The following NUMA1 variants were observed in gnomAD, a reference collection of about 807,000 sequenced individuals.
NUMA1 encodes nuclear mitotic apparatus protein 1.
A neutral mutation model predicts 237.1 loss-of-function variants in NUMA1; 62 were observed. That is an observed-to-expected ratio of 0.26 (90% CI 0.21 to 0.32). The LOEUF (loss-of-function observed/expected upper bound fraction) is 0.32, where lower values mean the gene tolerates loss of function less well. NUMA1 is among the 10% of genes least tolerant of loss of function. The probability of loss-of-function intolerance (pLI) is 1.00; values close to 1 mark genes in which losing one functional copy is unlikely to be tolerated. For synonymous variants in NUMA1, 1,028 were observed against 1,066.1 expected (o/e 0.96, Z 0.70); for missense variants, 2,533 against 2,666.5 (o/e 0.95, Z 1.10).
chr11:72,014,824 G>A lies in NUMA1; in HGVS notation c.2679C>T (p.Val893=), dbSNP rs1956407861. The change falls in exon 15 of 27, where the codon GTC becomes GTT. Residue 893 remains valine (V), a synonymous_variant. Transcript: ENST00000393695. This position sits in a 1 kb window ranked among gnomAD's most constrained non-coding sequence, Gnocchi z 4.6. Reference sequence around the variant, plus strand: ...GGTCATCTGCAAGCTTCTGGGCCCTGACTTCCTTCTCTTGGACCTGCTGGA... The same window carrying A: ...GGTCATCTGCAAGCTTCTGGGCCCTAACTTCCTTCTCTTGGACCTGCTGGA... ...RALQQVQEKE[V]RAQKLADDLS... The A allele has an allele frequency of 1.2e-6, 2 of 1,614,196 alleles. No individual in the cohort carries two copies. The highest frequency in any genetic ancestry group is 1.7e-6 in the Non-Finnish European group (2 of 1,180,036).
chr11:72,077,371 GA>G (rs921752013), intron 1 of NUMA1, among the ~76,000 whole-genome samples: 41 of 152,072 alleles, frequency 2.7e-4, no homozygotes, highest in African/African-American at 9.2e-4. Context: ...CAAACAGAAA[GA>G]AAGACAGGTT....
In NUMA1 at chr11:72,009,176, C is replaced by A; in HGVS notation, c.4849G>T (p.Ala1617Ser). ...TTCTTGGCATCATAATGTGTTTTGG[C>A]TTTCTCCATCTGTGGGCAGAGAGGG... ...AEHYKLQMEK[A>S]KTHYDAKKQQ... The change falls in exon 19 of 27, where the codon GCC becomes TCC. Residue 1617 changes from alanine to serine, a missense_variant. Physicochemically the swap from Ala to Ser is moderately conservative, Grantham distance 99. Transcript: ENST00000393695. 3 of 1,305,890 alleles carry A rather than the reference C, an allele frequency of 2.3e-6. No individual in the cohort carries two copies. Among genetic ancestry groups the A allele is most frequent in the Non-Finnish European group, 3.0e-6 (3 of 991,170 alleles). The allele number at this position is 1,305,890 out of a possible 1,614,324, so 80.9% of individuals were successfully genotyped here. A position where few individuals can be genotyped will look rare whatever the true frequency, so the allele number is the denominator to read the frequency against.
intron 7 of NUMA1, among the ~76,000 whole-genome samples, chr11:72,021,716 T>C (rs1309636798): frequency 1.3e-5 from 2 of 152,160 alleles, no homozygotes; most frequent in East Asian, 1.9e-4. Flanking sequence ...CAACTCCTCC[T>C]CCTCAGCTCC....
At chr11:72,065,734 A>T (rs919780613) in intron 2 of NUMA1, 1 of 152,212 alleles carries the variant, frequency 6.6e-6, no homozygotes, top group Non-Finnish European at 1.5e-5. Flanking sequence ...GTGAAATTTT[A>T]TCCACAAAGG....
At chr11:72,063,291 G>A (rs1022263131) in intron 2 of NUMA1, among the ~76,000 whole-genome samples, 1 of 152,148 alleles carries the variant, frequency 6.6e-6, no homozygotes, top group Non-Finnish European at 1.5e-5. Context: ...GCTGATGTGA[G>A]AGGATCACTT....
rs1383029135 is a variant in NUMA1, at chr11:72,064,408, G to A, written c.-33+5434C>T. ...GCCCAGGAGGTCAAGGCTGCAGTGA[G>A]CTAGGATTGCAACTGTACCACTGCA... is the stretch of plus-strand genomic sequence containing the variant. On this transcript the variant is annotated intron_variant, in intron 2 of 26. Coordinates refer to ENST00000393695, the MANE Select transcript of NUMA1 (RefSeq NM_006185.4). Among the ~76,000 whole-genome samples, 3 of 152,082 alleles carry A rather than the reference G, an allele frequency of 2.0e-5. No homozygotes were observed. In the East Asian group the frequency reaches 5.8e-4, roughly 29 times the overall value.
chr11:72,015,175 C>T lies in NUMA1; in HGVS notation c.2328G>A (p.Glu776=). The T allele has an allele frequency of 6.2e-7, 1 of 1,613,484 alleles. No individual in the cohort carries two copies. Among genetic ancestry groups the T allele is most frequent in the Non-Finnish European group, 8.5e-7 (1 of 1,180,048 alleles). ...GLEARLQQLG[E]AHQAETEVLR... ...GGACTTCAGTCTCAGCCTGATGGGCCTCCCCAAGCTGCTGTAATCGAGCCT... is the reference window on the plus strand; with the variant it reads ...GGACTTCAGTCTCAGCCTGATGGGCTTCCCCAAGCTGCTGTAATCGAGCCT... The change falls in exon 15 of 27, where the codon GAG becomes GAA. Residue 776 remains glutamate, a synonymous_variant. Coordinates refer to ENST00000393695, the MANE Select transcript of NUMA1 (RefSeq NM_006185.4). The surrounding 1 kb of genome is among the most constrained non-coding windows in gnomAD (Gnocchi z 4.0).
intron 2 of NUMA1, among the ~76,000 whole-genome samples, chr11:72,039,155 C>A (rs768524834): frequency 3.3e-5 from 5 of 152,240 alleles, no homozygotes; most frequent in Non-Finnish European, 5.9e-5. Flanking sequence ...TGTACCCTCT[C>A]TGGACCTTAA....
At chr11:72,006,854 C>T (rs1302128977) in intron 21 of NUMA1, among the ~76,000 whole-genome samples, 2 of 152,194 alleles carry the variant, frequency 1.3e-5, no homozygotes, top group Non-Finnish European at 2.9e-5. Context: ...CACTGGGCAG[C>T]AACAATGCCT....
chr11:72,018,586 A>G (rs180981971), intron 10 of NUMA1, 73 bp from the exon 11 acceptor site: 3 of 1,296,568 alleles, frequency 2.3e-6, no homozygotes, highest in East Asian at 4.6e-5. Context: ...GCACAGAACT[A>G]TGTGCACAAG....
intron 20 of NUMA1, 121 bp from the exon 21 acceptor site, chr11:72,007,556 TCTCTGATTTTTCAGAGGTA>T (rs1955826808): frequency 1.6e-5 from 20 of 1,279,520 alleles, no homozygotes; most frequent in Admixed American, 2.2e-5. Context: ...GCAGCCCATC[TCTCTGATTTTTCAGAGGTA>T]CCAAGGAAAG....
chr11:72,004,914 G>GT, intron 23 of NUMA1, 98 bp from the exon 24 acceptor site: 1 of 1,199,142 alleles, frequency 8.3e-7, no homozygotes, highest in Non-Finnish European at 1.1e-6. Context: ...CGACACTTAT[G>GT]GTCGGGACCC....
chr11:72,006,234 G>A lies in NUMA1; in HGVS notation c.5493C>T (p.Ala1831=). The A allele has an allele frequency of 1.2e-6, 2 of 1,614,162 alleles. No homozygotes were observed. The highest frequency in any genetic ancestry group is 1.7e-6 in the Non-Finnish European group (2 of 1,180,016). Residue 1831 remains alanine (A), a synonymous_variant, in exon 22 of 27, where the codon GCC becomes GCT. Transcript: ENST00000393695. ...KKLDVEEPDS[A]NSSFYSTRSA... is the part of the protein sequence containing the mutation. ...ACCGCGTGCTGTAGAACGATGAGTT[G>A]GCGCTGTCTGGCTCTTCCACATCTA...
chr11:72,012,865 T>G, intron 15 of NUMA1, 30 bp downstream of exon 15: 1 of 1,603,398 alleles, frequency 6.2e-7, no homozygotes, highest in Non-Finnish European at 8.5e-7. Context: ...CTCCTGATCT[T>G]TGGGAGGGTG....
chr11:72,043,204 A>G (rs1373928826), intron 2 of NUMA1, among the ~76,000 whole-genome samples: 2 of 151,984 alleles, frequency 1.3e-5, no homozygotes, highest in Non-Finnish European at 2.9e-5. Context: ...AACAGAGTAT[A>G]ATAAATAGTA....
intron 3 of NUMA1, among the ~76,000 whole-genome samples, chr11:72,029,722 G>C (rs1046629162): frequency 1.3e-5 from 2 of 152,126 alleles, no homozygotes; most frequent in Non-Finnish European, 2.9e-5. Context: ...TACATTATAA[G>C]TTTCTGTATC....
At chr11:72,017,891 G>A in intron 12 of NUMA1, 64 bp from the exon 13 acceptor site, 1 of 1,561,812 alleles carries the variant, frequency 6.4e-7, no homozygotes, top group Non-Finnish European at 8.7e-7. Context: ...ACTGCTGTCT[G>A]CTCCCAGAAC....
chr11:72,056,681 A>G lies in NUMA1; in HGVS notation c.-33+13161T>C, dbSNP rs1177811117. On this transcript the variant is annotated intron_variant, in intron 2 of 26. Coordinates refer to ENST00000393695, the MANE Select transcript of NUMA1 (RefSeq NM_006185.4). ...AAAAAGGCAAGCCAAACTGATAATC[A>G]AAACTCAGGAACACTAAGTTGGATG... 2.0e-5 allele frequency among the ~76,000 whole-genome samples: 3 copies of G among 148,830 alleles called. No homozygotes were observed. In the Admixed American group the frequency reaches 2.0e-4, roughly 10 times the overall value.
At chr11:72,054,816 G>A (rs1245441203) in intron 2 of NUMA1, among the ~76,000 whole-genome samples, 1 of 152,126 alleles carries the variant, frequency 6.6e-6, no homozygotes. Context: ...ATAAGGATCT[G>A]GGCTCCATTT....
Sources: allele counts gnomAD v4.1 joint callset (sites outside exome capture counted in the v4.1 genomes callset), GRCh38; gene constraint gnomAD v4.1.1; non-coding constraint Gnocchi (gnomAD v3.1); transcripts MANE v1.5; gene names NCBI Gene and HGNC (gene_info 2026-07-23, HGNC 2026-07-21).